The following CHID1 variants were observed in gnomAD, a reference collection of about 807,000 sequenced individuals.
The protein encoded by CHID1 is chitinase domain containing 1, also known as chitinase domain-containing protein 1.
A neutral mutation model predicts 55.4 loss-of-function variants in CHID1; 44 were observed. The ratio of observed to expected loss-of-function variants is 0.79; its 90% CI spans 0.62 to 1.02. The LOEUF is 1.02. Among genes scored for constraint, CHID1 ranks in the 50% least tolerant of loss-of-function variants. The pLI, the probability that CHID1 is intolerant of heterozygous loss-of-function variation, is 0.00. For missense variants in CHID1, 491 were observed against 515.3 expected (o/e 0.95, Z 0.46); for synonymous variants, 216 against 212.9 (o/e 1.01, Z -0.13).
In CHID1 at chr11:876,108, G is replaced by A. The variant is rs2134128397; in HGVS notation, c.960-5609C>T. On this transcript the variant is annotated intron_variant, in intron 10 of 12. Coordinates refer to ENST00000323578, the MANE Select transcript of CHID1 (RefSeq NM_023947.4). The stretch of plus-strand genomic sequence containing the variant: ...ACAAGGCGAGAACAGAGGGTGAGGA[G>A]AGGCGTCTGAGCTGATGTCGCCAGA... Among the ~76,000 whole-genome samples, 2 of 152,304 alleles carry A rather than the reference G, an allele frequency of 1.3e-5. 1 individual carries two copies. Among genetic ancestry groups the A allele is most frequent in the South Asian group, 4.2e-4 (2 of 4,818 alleles).
Position 883,204 on chromosome 11 carries a change from G to C in CHID1, c.903C>G (p.Phe301Leu). 1 of 1,614,162 alleles carries C rather than the reference G, an allele frequency of 6.2e-7. No homozygotes were observed. Among genetic ancestry groups the C allele is most frequent in the Non-Finnish European group, 8.5e-7 (1 of 1,179,990 alleles). ...WRSKILLGLN[F>L]YGMDYATSKD... ...TGGAGGTCGCGTAGTCCATACCATA[G>C]AAGTTGAGCCCCAGGAGGATTTTGC... The change falls in exon 10 of 13, where the codon TTC becomes TTG. Residue 301 changes from phenylalanine (F) to leucine (L), a missense_variant. Phe to Leu is a conservative substitution (Grantham distance 22, BLOSUM62 0). Coordinates refer to ENST00000323578, the MANE Select transcript of CHID1 (RefSeq NM_023947.4).
At position 884,188 on chromosome 11, in the gene CHID1, GC is replaced by G. The variant is rs773964018; in HGVS notation, c.702-20del. The G allele has an allele frequency of 3.1e-6, 5 of 1,602,022 alleles. No individual in the cohort carries two copies. The highest frequency in any genetic ancestry group is 4.3e-6 in the Non-Finnish European group (5 of 1,169,750). On this transcript the variant is annotated intron_variant, in intron 8 of 12. Coordinates refer to ENST00000323578, the MANE Select transcript of CHID1 (RefSeq NM_023947.4). ...GTCGGTCCTGTAACAGACAGGTGCA[GC>G]CACCTCAGGCTGCTATGCCCTGCCT...
At chr11:913,149 CCG>C (rs1565214457), upstream of CHID1, among the ~76,000 whole-genome samples, 5 of 149,640 alleles carry the variant, frequency 3.3e-5, no homozygotes, top group African/African-American at 1.2e-4. Flanking sequence ...TTGCCCCCCC[CCG>C]CAAAAAAAAA....
At chr11:892,544 G>A (rs778941303) in intron 8 of CHID1, among the ~76,000 whole-genome samples, 2 of 152,250 alleles carry the variant, frequency 1.3e-5, no homozygotes, top group Non-Finnish European at 2.9e-5. Context: ...GGATCAGTCT[G>A]AGCCCAACAG....
chr11:882,915 T>C, intron 10 of CHID1: 1 of 479,990 alleles, frequency 2.1e-6, no homozygotes, highest in South Asian at 2.7e-5. Context: ...CTCACGCAGA[T>C]GTGGGGACAG....
At chr11:892,316 A>C (rs1310988426) in intron 8 of CHID1, among the ~76,000 whole-genome samples, 2 of 152,250 alleles carry the variant, frequency 1.3e-5, no homozygotes, top group Non-Finnish European at 2.9e-5. Flanking sequence ...CACATAAGGG[A>C]GAGGGAGGGG....
At chr11:892,637 C>G (rs1286625910) in intron 8 of CHID1, among the ~76,000 whole-genome samples, 1 of 152,226 alleles carries the variant, frequency 6.6e-6, no homozygotes, top group Non-Finnish European at 1.5e-5. Context: ...CTGGCCACGA[C>G]AGCAGGACCA....
upstream of CHID1, chr11:914,521 A>C (rs1441494381): frequency 7.8e-7 from 1 of 1,288,732 alleles, no homozygotes; most frequent in African/African-American, 1.5e-5. Context: ...CCCATGCCTT[A>C]CCTGGGATAT....
upstream of CHID1, chr11:914,637 C>T: frequency 8.9e-7 from 1 of 1,129,630 alleles, no homozygotes; most frequent in African/African-American, 1.6e-5. Flanking sequence ...GGAGGCTGAT[C>T]ACTTGAGCCC....
chr11:910,967 C>T (rs1852644978), upstream of CHID1: 2 of 305,562 alleles, frequency 6.5e-6, no homozygotes, highest in Non-Finnish European at 9.5e-6. Flanking sequence ...GGGGCCGGGG[C>T]GGGGCCGCGC....
chr11:909,496 T>C (rs1204900095), intron 1 of CHID1, among the ~76,000 whole-genome samples: 1 of 152,168 alleles, frequency 6.6e-6, no homozygotes, highest in African/African-American at 2.4e-5. Context: ...TCGGTGGTGT[T>C]GATGGAAATG....
rs754520811 is a variant in CHID1 at position 884,185 on chromosome 11, G to C, written c.702-16C>G. Reference sequence around the variant, plus strand: ...CTGGTCGGTCCTGTAACAGACAGGTGCAGCCACCTCAGGCTGCTATGCCCT... The same window carrying C: ...CTGGTCGGTCCTGTAACAGACAGGTCCAGCCACCTCAGGCTGCTATGCCCT... On this transcript the variant is annotated splice_polypyrimidine_tract_variant and intron_variant, in intron 8 of 12. Transcript: ENST00000323578. The C allele has an allele frequency of 1.2e-6, 2 of 1,606,726 alleles. No individual in the cohort carries two copies. The highest frequency in any genetic ancestry group is 1.7e-6 in the Non-Finnish European group (2 of 1,173,932).
At chr11:889,665 T>C (rs1203321358) in intron 8 of CHID1, among the ~76,000 whole-genome samples, 6 of 152,154 alleles carry the variant, frequency 3.9e-5, no homozygotes, top group Non-Finnish European at 7.4e-5. Context: ...CCTGGCCCTA[T>C]AGTTGCCACC....
intron 10 of CHID1, among the ~76,000 whole-genome samples, chr11:878,942 G>A (rs1441736205): frequency 1.3e-5 from 2 of 152,088 alleles, no homozygotes; most frequent in African/African-American, 2.4e-5. Flanking sequence ...TGCCTCCAGG[G>A]TTCACGCTAT....
chr11:888,432 T>C (rs917917745), intron 8 of CHID1, among the ~76,000 whole-genome samples: 3 of 152,192 alleles, frequency 2.0e-5, no homozygotes, highest in Non-Finnish European at 4.4e-5. Flanking sequence ...CCCCAGCCTG[T>C]GTCCTTCACC....
chr11:890,945 C>T (rs115715175), intron 8 of CHID1, among the ~76,000 whole-genome samples: 92 of 152,298 alleles, frequency 6.0e-4, no homozygotes, highest in African/African-American at 2.2e-3. Flanking sequence ...GTTCCACAGA[C>T]AGTGCCCCTG....
chr11:891,804 T>C (rs1365140637), intron 8 of CHID1, among the ~76,000 whole-genome samples: 2 of 151,820 alleles, frequency 1.3e-5, no homozygotes, highest in Non-Finnish European at 2.9e-5. Flanking sequence ...CTTCAAACCC[T>C]GGGAACACAG....
intron 2 of CHID1, 88 bp downstream of exon 2, chr11:904,618 G>A: frequency 6.6e-7 from 1 of 1,513,064 alleles, no homozygotes; most frequent in South Asian, 1.2e-5. Flanking sequence ...GAGCCTCCTG[G>A]CTCACAGGCC....
intron 7 of CHID1, among the ~76,000 whole-genome samples, chr11:897,425 G>T (rs1277014956): frequency 6.6e-6 from 1 of 152,250 alleles, no homozygotes; most frequent in Non-Finnish European, 1.5e-5. Flanking sequence ...TGAGAAGGCT[G>T]GAAGCAGGCG....
Sources: gnomAD v4.1 joint callset for allele counts (sites outside exome capture counted in the v4.1 genomes callset) on GRCh38, gnomAD v4.1.1 for gene constraint, MANE v1.5 for transcripts, NCBI Gene and HGNC (gene_info 2026-07-23, HGNC 2026-07-21) for gene names.